The following SLC25A21 variants were observed in gnomAD, a reference collection of about 807,000 sequenced individuals.
The protein encoded by SLC25A21 is solute carrier family 25 member 21.
A neutral mutation model predicts 43.8 loss-of-function variants in SLC25A21; 47 were observed. That is an observed-to-expected ratio of 1.07 (90% CI 0.85 to 1.37). SLC25A21 has a LOEUF of 1.37. SLC25A21 is among the 40% of genes most tolerant of loss of function. SLC25A21 has a pLI of 0.00. For missense variants in SLC25A21, 352 were observed against 350.2 expected (o/e 1.00, Z -0.04); for synonymous variants, 131 against 121.3 (o/e 1.08, Z -0.52).
chr14:36,960,362 C>T (rs1189361527), intron 1 of SLC25A21, among the ~76,000 whole-genome samples: 1 of 152,016 alleles, frequency 6.6e-6, no homozygotes, highest in Admixed American at 6.6e-5. Flanking sequence ...TTTCATAAAA[C>T]TGAGAACTAG....
At chr14:36,887,555 T>C in intron 1 of SLC25A21, among the ~76,000 whole-genome samples, 1 of 97,888 alleles carries the variant, frequency 1.0e-5, no homozygotes. Flanking sequence ...ACAGCAAGAC[T>C]CCATTGCAAA....
At chr14:36,750,962 T>C (rs1458072831) in intron 3 of SLC25A21, among the ~76,000 whole-genome samples, 4 of 152,128 alleles carry the variant, frequency 2.6e-5, no homozygotes, top group Admixed American at 2.6e-4. Context: ...AAGCTACAAA[T>C]ATTCCCACTG....
intron 1 of SLC25A21, among the ~76,000 whole-genome samples, chr14:37,052,079 ATTAT>A (rs145100356): frequency 0.28 from 42,237 of 152,048 alleles, 6,249 homozygotes; most frequent in Non-Finnish European, 0.33. Context: ...CATGATTTGA[ATTAT>A]TTAAACACAC....
At chr14:37,021,723 A>G (rs17105972) in intron 1 of SLC25A21, among the ~76,000 whole-genome samples, 8,209 of 152,028 alleles carry the variant, frequency 0.054, 747 homozygotes, top group African/African-American at 0.19. Flanking sequence ...TGGTATCAGA[A>G]TAAGTTTCAG....
At chr14:36,948,520 A>G (rs1322844590) in intron 1 of SLC25A21, among the ~76,000 whole-genome samples, 1 of 152,202 alleles carries the variant, frequency 6.6e-6, no homozygotes, top group African/African-American at 2.4e-5. Context: ...GCTTGAAGAT[A>G]ATGAAAGTAA....
intron 1 of SLC25A21, among the ~76,000 whole-genome samples, chr14:37,034,160 A>G (rs10131531): frequency 0.49 from 73,661 of 151,728 alleles, 20,867 homozygotes; most frequent in African/African-American, 0.8. Context: ...GGTACTACAG[A>G]TGCCTGCCAC....
At chr14:36,833,775 G>T in intron 2 of SLC25A21, among the ~76,000 whole-genome samples, 1 of 152,212 alleles carries the variant, frequency 6.6e-6, no homozygotes, top group East Asian at 1.9e-4. Flanking sequence ...AATTTGATAA[G>T]GGATTTGACA....
intron 3 of SLC25A21, among the ~76,000 whole-genome samples, chr14:36,794,314 T>A (rs1323659288): frequency 6.9e-6 from 1 of 144,508 alleles, no homozygotes; most frequent in African/African-American, 2.6e-5. Context: ...AAATTAACTC[T>A]CACTTTATTT....
intron 3 of SLC25A21, among the ~76,000 whole-genome samples, chr14:36,775,945 T>A (rs1886803384): frequency 6.6e-6 from 1 of 152,192 alleles, no homozygotes; most frequent in Admixed American, 6.5e-5. Flanking sequence ...TTGGATCACC[T>A]GGAATTGAGA....
intron 3 of SLC25A21, among the ~76,000 whole-genome samples, chr14:36,805,980 C>T (rs533270624): frequency 5.3e-5 from 8 of 152,008 alleles, no homozygotes; most frequent in South Asian, 2.1e-4. Context: ...TTTGGGAGGC[C>T]GAGACAGATG....
intron 3 of SLC25A21, among the ~76,000 whole-genome samples, chr14:36,809,395 T>G (rs1888154094): frequency 6.6e-6 from 1 of 152,226 alleles, no homozygotes; most frequent in African/African-American, 2.4e-5. Flanking sequence ...AAATCCTTAC[T>G]TGGAGTTTGG....
intron 9 of SLC25A21, among the ~76,000 whole-genome samples, 187 bp from the exon 10 acceptor site, chr14:36,680,906 C>A (rs896534620): frequency 6.6e-6 from 1 of 152,140 alleles, no homozygotes; most frequent in Non-Finnish European, 1.5e-5. Context: ...AAATCAAGAC[C>A]ATCTTGAGTC....
At chr14:37,101,352 T>G (rs1962813897) in intron 1 of SLC25A21, among the ~76,000 whole-genome samples, 1 of 152,346 alleles carries the variant, frequency 6.6e-6, no homozygotes, top group Non-Finnish European at 1.5e-5. Context: ...ATAAACTCAC[T>G]CCCTTTGCAA....
At chr14:36,947,738 T>C (rs1236548536) in intron 1 of SLC25A21, among the ~76,000 whole-genome samples, 1 of 152,130 alleles carries the variant, frequency 6.6e-6, no homozygotes, top group Non-Finnish European at 1.5e-5. Context: ...CAAAACACAT[T>C]TTAGGGGGTA....
intron 2 of SLC25A21, among the ~76,000 whole-genome samples, chr14:36,814,704 C>T (rs971934810): frequency 6.6e-6 from 1 of 152,172 alleles, no homozygotes; most frequent in Non-Finnish European, 1.5e-5. Flanking sequence ...AATAGGAACG[C>T]TTTTACACTG....
At chr14:37,065,013 G>C (rs79352454) in intron 1 of SLC25A21, among the ~76,000 whole-genome samples, 2 of 152,234 alleles carry the variant, frequency 1.3e-5, no homozygotes, top group Non-Finnish European at 2.9e-5. Flanking sequence ...AGGAACTTAT[G>C]GTCTATTTGG....
Position 36,679,197 on chromosome 14 carries a change from G to C in SLC25A21, c.*1461C>G. The C allele has an allele frequency of 1.0e-6, 1 of 984,550 alleles. No homozygotes were observed. The highest frequency in any genetic ancestry group is 1.2e-6 in the Non-Finnish European group (1 of 829,338). The allele number at this position is 984,550 out of a possible 1,614,324, so 61.0% of individuals were successfully genotyped here. A position where few individuals can be genotyped will look rare whatever the true frequency, so the allele number is the denominator to read the frequency against. ...CTTATTTCTTTTTTTTCACAATTTT[G>C]TTTTGTTTTTAATGACCCTTTTATT... On this transcript the variant is annotated 3_prime_UTR_variant, in exon 10 of 10. Transcript: ENST00000331299.
intron 3 of SLC25A21, among the ~76,000 whole-genome samples, chr14:36,741,256 GT>G (rs1885250207): frequency 6.6e-6 from 1 of 152,108 alleles, no homozygotes; most frequent in African/African-American, 2.4e-5. Flanking sequence ...AGGCTACTAG[GT>G]TTTTGGTGTT....
chr14:36,960,902 G>A (rs973881914), intron 1 of SLC25A21, among the ~76,000 whole-genome samples: 1 of 152,194 alleles, frequency 6.6e-6, no homozygotes, highest in African/African-American at 2.4e-5. Flanking sequence ...CCAATAATCA[G>A]AAATAGGAAA....
Sources: allele counts gnomAD v4.1 joint callset (sites outside exome capture counted in the v4.1 genomes callset), GRCh38; gene constraint gnomAD v4.1.1; transcripts MANE v1.5; gene names NCBI Gene and HGNC (gene_info 2026-07-23, HGNC 2026-07-21).